Variants in PLPPR2 observed in about 807,000 individuals in gnomAD.
PLPPR2 encodes phospholipid phosphatase related 2.
A neutral mutation model predicts 40.3 loss-of-function variants in PLPPR2; 11 were observed. The observed-to-expected ratio is 0.27, with a 90% confidence interval of 0.17 to 0.45. PLPPR2 has a LOEUF of 0.45. Among genes scored for constraint, PLPPR2 ranks in the 20% least tolerant of loss-of-function variants. The pLI is 1.00. For synonymous variants in PLPPR2, 260 were observed against 290.8 expected (o/e 0.89, Z 1.08); for missense variants, 497 against 640.7 (o/e 0.78, Z 2.42).
In PLPPR2 at chr19:11,362,402, A is replaced by T. The variant is rs1599406308; in HGVS notation, c.664-111A>T. ...GACTCCAACCCTGGAGCCCCTGGCC[A>T]CTCCCTCCAGCCCCAACGCTCTGGC... On this transcript the variant is annotated intron_variant, in intron 6 of 9. Coordinates refer to ENST00000688289, the MANE Select transcript of PLPPR2 (RefSeq NM_001393892.1). This position sits in a 1 kb window ranked among gnomAD's most constrained non-coding sequence, Gnocchi z 5.3. 1.6e-6 allele frequency: 2 copies of T among 1,225,256 alleles called. No individual in the cohort carries two copies. Among genetic ancestry groups the T allele is most frequent in the African/African-American group, 1.5e-5 (1 of 65,386 alleles). 75.9% of individuals were successfully genotyped at this position (1,225,256 alleles called of 1,614,324 possible). A position where few individuals can be genotyped will look rare whatever the true frequency, so the allele number is the denominator to read the frequency against.
intron 2 of PLPPR2, 109 bp downstream of exon 2, chr19:11,357,085 A>C (rs1967907419): frequency 6.5e-6 from 1 of 154,226 alleles, no homozygotes; most frequent in Non-Finnish European, 1.4e-5. Flanking sequence ...ACTGGGAGGC[A>C]GACCGGCTGG....
In PLPPR2 at chr19:11,361,691, C is replaced by G. The variant is rs528764900; in HGVS notation, c.663+203C>G. On this transcript the variant is annotated intron_variant, in intron 6 of 9. Transcript: ENST00000688289. The surrounding 1 kb of genome is among the most constrained non-coding windows in gnomAD (Gnocchi z 6.3). The stretch of plus-strand genomic sequence containing the variant: ...GCCCCCAGTCAGAGGCTATCGCTGT[C>G]CATTGACTCCGCCCCTTGCCCTCTG... Among the ~76,000 whole-genome samples, 1 of 152,138 alleles carries G rather than the reference C, an allele frequency of 6.6e-6. No individual in the cohort carries two copies. Among genetic ancestry groups the G allele is most frequent in the African/African-American group, 2.4e-5 (1 of 41,440 alleles).
rs1967972772 is a variant in PLPPR2, at chr19:11,359,066, A to T, written c.67-466A>T. Among the ~76,000 whole-genome samples, 1 of 139,730 alleles carries T rather than the reference A, an allele frequency of 7.2e-6. No individual in the cohort carries two copies. The allele number at this position is 139,730 out of a possible 152,430, so 91.7% of individuals were successfully genotyped here. On this transcript the variant is annotated intron_variant, in intron 3 of 9. Coordinates refer to ENST00000688289, the MANE Select transcript of PLPPR2 (RefSeq NM_001393892.1). This position sits in a 1 kb window ranked among gnomAD's most constrained non-coding sequence, Gnocchi z 5.6. ...TTCCTTTTCCTTTCTTTTTTTTCTG[A>T]GACAGGGTCTCCCTCTGTCACCCAG...
chr19:11,364,018 G>C lies in PLPPR2; in HGVS notation c.964-143G>C, dbSNP rs537308802. The C allele has an allele frequency of 7.4e-7, 1 of 1,355,188 alleles. No individual in the cohort carries two copies. Among genetic ancestry groups the C allele is most frequent in the African/African-American group, 1.5e-5 (1 of 68,804 alleles). The allele number at this position is 1,355,188 out of a possible 1,614,324, so 83.9% of individuals were successfully genotyped here. The stretch of plus-strand genomic sequence containing the variant: ...CCAAAGAATGAAAGGGAGCACCCCC[G>C]TCTTCTTCCCAGGGGGACACGGTTA... On this transcript the variant is annotated intron_variant, in intron 8 of 9. Transcript: ENST00000688289. The surrounding 1 kb of genome is among the most constrained non-coding windows in gnomAD (Gnocchi z 5.8).
intron 1 of PLPPR2, among the ~76,000 whole-genome samples, chr19:11,356,374 C>T (rs1967876644): frequency 7.3e-6 from 1 of 137,162 alleles, no homozygotes; most frequent in East Asian, 2.3e-4. Flanking sequence ...GTGTCCCTGA[C>T]TGTAGCGGTG....
Position 11,362,740 on chromosome 19 carries a change from TGACC to T in PLPPR2, c.840+52_840+55del. 1 of 1,571,232 alleles carries T rather than the reference TGACC, an allele frequency of 6.4e-7. No individual in the cohort carries two copies. Among genetic ancestry groups the T allele is most frequent in the Non-Finnish European group, 8.6e-7 (1 of 1,156,112 alleles). On this transcript the variant is annotated intron_variant, in intron 7 of 9. Transcript: ENST00000688289. This position sits in a 1 kb window ranked among gnomAD's most constrained non-coding sequence, Gnocchi z 5.3. ...GCATGGAAGACCCTCACCAGCTCTC[TGACC>T]CAAGAGGCAGGACCACATGATGGAG...
rs1226694498 is a variant in PLPPR2 at position 11,363,114 on chromosome 19, C to T, written c.840+425C>T. 6.6e-6 allele frequency among the ~76,000 whole-genome samples: 1 copy of T among 151,966 alleles called. No individual in the cohort carries two copies. The highest frequency in any genetic ancestry group is 1.5e-5 in the Non-Finnish European group (1 of 67,980). On this transcript the variant is annotated intron_variant, in intron 7 of 9. Coordinates refer to ENST00000688289, the MANE Select transcript of PLPPR2 (RefSeq NM_001393892.1). The surrounding 1 kb of genome is among the most constrained non-coding windows in gnomAD (Gnocchi z 4.8). Reference sequence around the variant, plus strand: ...TTCGAGACCAGCCTGGTCAACATGGCCAAACCCTGTCCCTGCTAAAAATAC... The same window carrying T: ...TTCGAGACCAGCCTGGTCAACATGGTCAAACCCTGTCCCTGCTAAAAATAC...
chr19:11,362,375 A>C lies in PLPPR2; in HGVS notation c.664-138A>C. 4.8e-6 allele frequency: 4 copies of C among 837,734 alleles called. No individual in the cohort carries two copies. The highest frequency in any genetic ancestry group is 1.7e-5 in the South Asian group (1 of 59,330). 51.9% of individuals were successfully genotyped at this position (837,734 alleles called of 1,614,324 possible). A position where few individuals can be genotyped will look rare whatever the true frequency, so the allele number is the denominator to read the frequency against. ...CCCTGGAAAAGCCCACTGGGAGCCC[A>C]TGACTCCAACCCTGGAGCCCCTGGC... is the stretch of plus-strand genomic sequence containing the variant. On this transcript the variant is annotated intron_variant, in intron 6 of 9. Coordinates refer to ENST00000688289, the MANE Select transcript of PLPPR2 (RefSeq NM_001393892.1). This position sits in a 1 kb window ranked among gnomAD's most constrained non-coding sequence, Gnocchi z 5.3.
chr19:11,359,974 G>A lies in PLPPR2; in HGVS notation c.391+18G>A. The A allele has an allele frequency of 6.3e-7, 1 of 1,586,740 alleles. No individual in the cohort carries two copies. Among genetic ancestry groups the A allele is most frequent in the Non-Finnish European group, 8.6e-7 (1 of 1,164,786 alleles). ...CTTCCTGGGTGAGAGACATGGCCTG[G>A]GGTCAGCCCCATGGTAATGGTGGGG... On this transcript the variant is annotated intron_variant, in intron 5 of 9. Transcript: ENST00000688289. The surrounding 1 kb of genome is among the most constrained non-coding windows in gnomAD (Gnocchi z 5.6).
chr19:11,360,057 G>A, intron 5 of PLPPR2, 101 bp downstream of exon 5: 1 of 1,426,378 alleles, frequency 7.0e-7, no homozygotes, highest in South Asian at 1.5e-5. Flanking sequence ...TCCAGGCTGG[G>A]TGTGGTGGCT....
At position 11,362,835 on chromosome 19, in the gene PLPPR2, C is replaced by T; in HGVS notation, c.840+146C>T. 1.0e-6 allele frequency: 1 copy of T among 968,734 alleles called. No homozygotes were observed. Among genetic ancestry groups the T allele is most frequent in the South Asian group, 1.8e-5 (1 of 55,686 alleles). 60.0% of individuals were successfully genotyped at this position (968,734 alleles called of 1,614,324 possible). A position where few individuals can be genotyped will look rare whatever the true frequency, so the allele number is the denominator to read the frequency against. On this transcript the variant is annotated intron_variant, in intron 7 of 9. Coordinates refer to ENST00000688289, the MANE Select transcript of PLPPR2 (RefSeq NM_001393892.1). The surrounding 1 kb of genome is among the most constrained non-coding windows in gnomAD (Gnocchi z 5.3). ...CATTACCCTTCCTGGATATTCTCAT[C>T]TGTGAAATGAGATACCAGGATCAGG...
In PLPPR2 at chr19:11,363,981, G is replaced by A. The variant is rs1444278805; in HGVS notation, c.963+146G>A. 3 of 1,327,292 alleles carry A rather than the reference G, an allele frequency of 2.3e-6. No homozygotes were observed. Among genetic ancestry groups the A allele is most frequent in the African/African-American group, 1.5e-5 (1 of 68,096 alleles). 82.2% of individuals were successfully genotyped at this position (1,327,292 alleles called of 1,614,324 possible). ...ACCCATCTCTGTGGACATAGGTCCT[G>A]GGCGGACAGCCCCAAAGAATGAAAG... On this transcript the variant is annotated intron_variant, in intron 8 of 9. Coordinates refer to ENST00000688289, the MANE Select transcript of PLPPR2 (RefSeq NM_001393892.1). This position sits in a 1 kb window ranked among gnomAD's most constrained non-coding sequence, Gnocchi z 4.8.
Position 11,362,420 on chromosome 19 carries a change from G to T in PLPPR2, c.664-93G>T, listed in dbSNP as rs764154243. 1 of 1,440,556 alleles carries T rather than the reference G, an allele frequency of 6.9e-7. No individual in the cohort carries two copies. Among genetic ancestry groups the T allele is most frequent in the African/African-American group, 1.4e-5 (1 of 71,282 alleles). The allele number at this position is 1,440,556 out of a possible 1,614,324, so 89.2% of individuals were successfully genotyped here. On this transcript the variant is annotated intron_variant, in intron 6 of 9. Coordinates refer to ENST00000688289, the MANE Select transcript of PLPPR2 (RefSeq NM_001393892.1). The surrounding 1 kb of genome is among the most constrained non-coding windows in gnomAD (Gnocchi z 5.3). ...CCTGGCCACTCCCTCCAGCCCCAAC[G>T]CTCTGGCCATGCGCTCTAGCCCAGA...
rs748936151 is a variant in PLPPR2 at position 11,361,357 on chromosome 19, C to T, written c.532C>T (p.Arg178Trp). 6.2e-7 allele frequency: 1 copy of T among 1,612,900 alleles called. No homozygotes were observed. Among genetic ancestry groups the T allele is most frequent in the East Asian group, 2.2e-5 (1 of 44,880 alleles). ...ALGCLPPSPD[R>W]PGPDRFVTDQ... The stretch of plus-strand genomic sequence containing the variant: ...GGGCTGCCTGCCACCTTCTCCGGAT[C>T]GGCCAGGTCCCGACCGCTTTGTCAC... Residue 178 changes from arginine (R) to tryptophan (W), a missense_variant, in exon 6 of 10, where the codon CGG (arginine) becomes TGG (tryptophan). Transcript: ENST00000688289. The surrounding 1 kb of genome is among the most constrained non-coding windows in gnomAD (Gnocchi z 6.3).
Position 11,364,777 on chromosome 19 carries a change from C to T in PLPPR2, c.*87C>T. 6.9e-7 allele frequency: 1 copy of T among 1,441,290 alleles called. No individual in the cohort carries two copies. Among genetic ancestry groups the T allele is most frequent in the Non-Finnish European group, 9.4e-7 (1 of 1,067,978 alleles). 89.3% of individuals were successfully genotyped at this position (1,441,290 alleles called of 1,614,324 possible). On this transcript the variant is annotated 3_prime_UTR_variant, in exon 10 of 10. Coordinates refer to ENST00000688289, the MANE Select transcript of PLPPR2 (RefSeq NM_001393892.1). The surrounding 1 kb of genome is among the most constrained non-coding windows in gnomAD (Gnocchi z 5.8). ...GCGTGTGCCACGTGAGTGCCAAAGT[C>T]CCCTGCCCCCCAAGCCAGCCAGACC...
Position 11,359,493 on chromosome 19 carries a change from C to A in PLPPR2, c.67-39C>A. The A allele has an allele frequency of 6.7e-7, 1 of 1,501,092 alleles. No homozygotes were observed. The highest frequency in any genetic ancestry group is 8.9e-7 in the Non-Finnish European group (1 of 1,121,768). 93.0% of individuals were successfully genotyped at this position (1,501,092 alleles called of 1,614,324 possible). ...CAGCTGGAGTCCTGACCTCTCTCTTCTCTCTCCGCCACCTCTCCCCGCCCT... is the reference window on the plus strand; with the variant it reads ...CAGCTGGAGTCCTGACCTCTCTCTTATCTCTCCGCCACCTCTCCCCGCCCT... On this transcript the variant is annotated intron_variant, in intron 3 of 9. Coordinates refer to ENST00000688289, the MANE Select transcript of PLPPR2 (RefSeq NM_001393892.1). The surrounding 1 kb of genome is among the most constrained non-coding windows in gnomAD (Gnocchi z 5.6).
At chr19:11,358,481 T>C (rs1568319677) in intron 3 of PLPPR2, among the ~76,000 whole-genome samples, 1 of 152,144 alleles carries the variant, frequency 6.6e-6, no homozygotes, top group East Asian at 1.9e-4. Context: ...TTTCTTTCCA[T>C]GTGGGAGAGT....
intron 5 of PLPPR2, among the ~76,000 whole-genome samples, chr19:11,360,556 G>A (rs1259972860): frequency 1.3e-5 from 2 of 152,076 alleles, no homozygotes; most frequent in Non-Finnish European, 2.9e-5. Context: ...GGACATGGGT[G>A]GGGCCTAACC....
At position 11,364,530 on chromosome 19, in the gene PLPPR2, G is replaced by C; in HGVS notation, c.1199G>C (p.Gly400Ala). The C allele has an allele frequency of 3.3e-6, 5 of 1,535,426 alleles. No individual in the cohort carries two copies. Among genetic ancestry groups the C allele is most frequent in the Non-Finnish European group, 4.4e-6 (5 of 1,145,880 alleles). The change falls in exon 10 of 10, where the codon GGA becomes GCA. Residue 400 changes from glycine to alanine, a missense_variant. Coordinates refer to ENST00000688289, the MANE Select transcript of PLPPR2 (RefSeq NM_001393892.1). This position sits in a 1 kb window ranked among gnomAD's most constrained non-coding sequence, Gnocchi z 5.8. ...CAGGGCCCCTCGCCTTCCTCCCCTG[G>C]ACCTGGGGGGCCAGGCGGGGGTGGT... is the stretch of plus-strand genomic sequence containing the variant. ...PSQGPSPSSP[G>A]PGGPGGGGGR... is the part of the protein sequence containing the mutation.
Sources: allele counts gnomAD v4.1 joint callset (sites outside exome capture counted in the v4.1 genomes callset), GRCh38; gene constraint gnomAD v4.1.1; non-coding constraint Gnocchi (gnomAD v3.1); transcripts MANE v1.5; gene names NCBI Gene and HGNC (gene_info 2026-07-23, HGNC 2026-07-21).